Variants in FER1L6 observed in about 807,000 individuals in gnomAD.
The protein encoded by FER1L6 is fer-1-like protein 6.
Under a neutral mutation model 219.2 loss-of-function variants are expected in FER1L6, and 177 were observed. That is an observed-to-expected ratio of 0.81 (90% CI 0.71 to 0.91). The LOEUF (loss-of-function observed/expected upper bound fraction) is 0.91. Ranked by LOEUF, FER1L6 falls within the 40% of genes least tolerant of loss-of-function variation. The pLI is 0.00. For synonymous variants in FER1L6, 768 were observed against 824.3 expected (o/e 0.93, Z 1.17); for missense variants, 2,153 against 2,259.9 (o/e 0.95, Z 0.96).
intron 18 of FER1L6, among the ~76,000 whole-genome samples, chr8:124,032,250 C>T (rs1586615221): frequency 1.4e-5 from 1 of 73,858 alleles, no homozygotes; most frequent in South Asian, 5.0e-4. Flanking sequence ...CATGGTGAAA[C>T]CCTATCTCTA....
intron 33 of FER1L6, among the ~76,000 whole-genome samples, chr8:124,088,876 A>C (rs73330176): frequency 0.036 from 5,461 of 151,960 alleles, 317 homozygotes; most frequent in African/African-American, 0.12. Flanking sequence ...TTCAAGGTGC[A>C]AGACAAAATC....
In FER1L6 at chr8:124,054,889, C is replaced by T. The variant is rs185849175; in HGVS notation, c.2874+5133C>T. ...TCGGCACAATGACTTAATGTTGCAACGCGAAGATGCCAGATCCAGTGTATT... is the reference window on the plus strand; with the variant it reads ...TCGGCACAATGACTTAATGTTGCAATGCGAAGATGCCAGATCCAGTGTATT... On this transcript the variant is annotated intron_variant, in intron 22 of 40. Coordinates refer to ENST00000522917, the MANE Select transcript of FER1L6 (RefSeq NM_001039112.2). Among the ~76,000 whole-genome samples, 355 of 152,140 alleles carry T rather than the reference C, an allele frequency of 2.3e-3. 1 individual carries two copies. Among genetic ancestry groups the T allele is most frequent in the Non-Finnish European group, 3.4e-3 (231 of 68,006 alleles).
chr8:124,069,277 A>C (rs1274097813), intron 28 of FER1L6, 83 bp from the exon 29 acceptor site: 1 of 1,044,858 alleles, frequency 9.6e-7, no homozygotes, highest in Non-Finnish European at 1.5e-6. Flanking sequence ...AGGACATGTC[A>C]GCAAAAGGAA....
chr8:124,101,130 G>GAC lies in FER1L6; in HGVS notation c.4919_4920dup (p.Asp1641GlnfsTer8). 6.2e-7 allele frequency: 1 copy of GAC among 1,613,750 alleles called. No individual in the cohort carries two copies. The highest frequency in any genetic ancestry group is 8.5e-7 in the Non-Finnish European group (1 of 1,179,818). On this transcript the variant is annotated frameshift_variant, in exon 38 of 41. Transcript: ENST00000522917. LOFTEE classifies it high-confidence loss of function. Reference sequence around the variant, plus strand: ...AGGGCTTGGAGGATGACAAGCAGGAGACAGATGTGCATTACAACTCCCTGA... The same window carrying GAC: ...AGGGCTTGGAGGATGACAAGCAGGAGACACAGATGTGCATTACAACTCCCTGA...
chr8:123,937,094 C>CG (rs1388433065), intron 1 of FER1L6, among the ~76,000 whole-genome samples: 3 of 152,016 alleles, frequency 2.0e-5, no homozygotes, highest in Non-Finnish European at 4.4e-5. Flanking sequence ...TTAGTAGAGG[C>CG]GGGGTTTCAC....
Position 123,993,373 on chromosome 8 carries a change from C to T in FER1L6, c.1519+7197C>T, listed in dbSNP as rs548217961. On this transcript the variant is annotated intron_variant, in intron 12 of 40. Transcript: ENST00000522917. ...AGGAGAATGGCGTGAACCCGGGAGG[C>T]GGAGCTTGCAGTGAGCCGAGATCCC... Among the ~76,000 whole-genome samples, 12 of 143,378 alleles carry T rather than the reference C, an allele frequency of 8.4e-5. No homozygotes were observed. The South Asian group carries it at 2.0e-3, about 24-fold the overall frequency. The allele number at this position is 143,378 out of a possible 152,430, so 94.1% of individuals were successfully genotyped here. A position where few individuals can be genotyped will look rare whatever the true frequency, so the allele number is the denominator to read the frequency against.
chr8:123,856,215 T>TATGTGTATGAGATATATGTATATAC lies in FER1L6; in HGVS notation c.-8+4055_-8+4079dup, dbSNP rs1456916861. Among the ~76,000 whole-genome samples the TATGTGTATGAGATATATGTATATAC allele has an allele frequency of 9.0e-4, 90 of 99,660 alleles. 3 individuals carry two copies. Among genetic ancestry groups the TATGTGTATGAGATATATGTATATAC allele is most frequent in the African/African-American group, 3.0e-3 (75 of 24,742 alleles). 65.4% of individuals were successfully genotyped at this position (99,660 alleles called of 152,430 possible). A position where few individuals can be genotyped will look rare whatever the true frequency, so the allele number is the denominator to read the frequency against. On this transcript the variant is annotated intron_variant, in intron 1 of 40. Coordinates refer to ENST00000522917, the MANE Select transcript of FER1L6 (RefSeq NM_001039112.2). Reference sequence around the variant, plus strand: ...TGTGTATGAGATATATGTATATACATATGTGTATGAGATATATGTATATAC... The same window carrying TATGTGTATGAGATATATGTATATAC: ...TGTGTATGAGATATATGTATATACATATGTGTATGAGATATATGTATATACATGTGTATGAGATATATGTATATAC...
intron 1 of FER1L6, among the ~76,000 whole-genome samples, chr8:123,889,804 G>C (rs1284514817): frequency 6.6e-6 from 1 of 151,924 alleles, no homozygotes; most frequent in Non-Finnish European, 1.5e-5. Flanking sequence ...TAAATATGAA[G>C]ATATGTTTTT....
intron 1 of FER1L6, among the ~76,000 whole-genome samples, chr8:123,863,690 ATAGT>A (rs1302530950): frequency 6.8e-6 from 1 of 147,504 alleles, no homozygotes. Flanking sequence ...TATATTTAAG[ATAGT>A]TAGCTCTTCT....
chr8:123,999,547 C>T (rs939219635), intron 12 of FER1L6, among the ~76,000 whole-genome samples: 1 of 152,146 alleles, frequency 6.6e-6, no homozygotes, highest in Admixed American at 6.5e-5. Flanking sequence ...GCTGCAATGC[C>T]AGCTGTTTGG....
chr8:123,907,535 G>A (rs1356291293), intron 1 of FER1L6, among the ~76,000 whole-genome samples: 1 of 151,778 alleles, frequency 6.6e-6, no homozygotes, highest in Non-Finnish European at 1.5e-5. Context: ...ACCTTTGTTG[G>A]ACAACCTTTA....
chr8:123,915,311 G>A (rs1813152137), intron 1 of FER1L6, among the ~76,000 whole-genome samples: 1 of 152,058 alleles, frequency 6.6e-6, no homozygotes, highest in Non-Finnish European at 1.5e-5. Context: ...GGGGGTGAGG[G>A]GCAGTTTGTC....
chr8:123,926,612 G>C (rs186583498), intron 1 of FER1L6, among the ~76,000 whole-genome samples: 1 of 152,122 alleles, frequency 6.6e-6, no homozygotes, highest in Non-Finnish European at 1.5e-5. Context: ...AAGACTTTAG[G>C]GGGTAGAATA....
chr8:124,027,495 A>C (rs1799471198), intron 18 of FER1L6, among the ~76,000 whole-genome samples: 1 of 152,174 alleles, frequency 6.6e-6, no homozygotes, highest in Non-Finnish European at 1.5e-5. Context: ...ACATTGCTGT[A>C]ATTTTGTCCC....
chr8:124,114,383 T>G (rs1160586158), intron 39 of FER1L6, among the ~76,000 whole-genome samples: 1 of 152,214 alleles, frequency 6.6e-6, no homozygotes, highest in Non-Finnish European at 1.5e-5. Flanking sequence ...ACAAATATGT[T>G]GTAAGCTCCA....
chr8:123,940,271 C>T (rs903217810), intron 1 of FER1L6, among the ~76,000 whole-genome samples: 11 of 152,088 alleles, frequency 7.2e-5, no homozygotes, highest in African/African-American at 2.7e-4. Context: ...ATAATCTGCC[C>T]TTGTATCTGG....
intron 38 of FER1L6, 150 bp downstream of exon 38, chr8:124,101,488 G>T: frequency 1.5e-6 from 1 of 674,178 alleles, no homozygotes; most frequent in Non-Finnish European, 2.5e-6. Context: ...GCCATTAATA[G>T]GGAATGGTTA....
chr8:124,058,488 G>GA (rs36029816), intron 22 of FER1L6, among the ~76,000 whole-genome samples: 1 of 152,142 alleles, frequency 6.6e-6, no homozygotes, highest in Non-Finnish European at 1.5e-5. Flanking sequence ...CATTTCACAG[G>GA]AAAAAGCTTA....
At chr8:124,077,598 T>G (rs924638252) in intron 32 of FER1L6, among the ~76,000 whole-genome samples, 1 of 152,200 alleles carries the variant, frequency 6.6e-6, no homozygotes, top group African/African-American at 2.4e-5. Context: ...CTGCCACTTA[T>G]GTAACTAGTG....
Sources: allele counts gnomAD v4.1 joint callset (sites outside exome capture counted in the v4.1 genomes callset), GRCh38; gene constraint gnomAD v4.1.1; transcripts MANE v1.5; gene names NCBI Gene and HGNC (gene_info 2026-07-23, HGNC 2026-07-21).